BCAP31: variants seen among roughly 807,000 people sequenced by gnomAD.
BCAP31 encodes the protein B-cell receptor-associated protein 31.
For synonymous variants in BCAP31, 75 were observed against 80.9 expected (o/e 0.93, Z 0.39); for missense variants, 124 against 193.0 (o/e 0.64, Z 2.12).
chrX:153,718,317 C>CAAAAAAAA (rs60097594), intron 3 of BCAP31, among the ~76,000 whole-genome samples: 9 of 30,505 alleles, frequency 3.0e-4, no homozygotes, highest in African/African-American at 8.2e-4. Flanking sequence ...GATTCCATCT[C>CAAAAAAAA]AAAAAAAAAA....
At chrX:153,710,979 C>T (rs782612441) in intron 4 of BCAP31, among the ~76,000 whole-genome samples, 3 of 111,577 alleles carry the variant, frequency 2.7e-5, no homozygotes, top group African/African-American at 9.8e-5. Context: ...AACCCAAGCT[C>T]GACTGCCCGG....
At chrX:153,712,485 C>T (rs1327269376) in intron 4 of BCAP31, among the ~76,000 whole-genome samples, 2 of 111,734 alleles carry the variant, frequency 1.8e-5, no homozygotes, top group Non-Finnish European at 3.8e-5. Flanking sequence ...TCATGATAAA[C>T]TGAGTAGAAC....
At chrX:153,713,918 A>G (rs1181560534) in intron 4 of BCAP31, among the ~76,000 whole-genome samples, 3 of 70,769 alleles carry the variant, frequency 4.2e-5, no homozygotes, top group Non-Finnish European at 7.3e-5. Context: ...GATGTCACCC[A>G]GGCTGGAGTG....
intron 1 of BCAP31, chrX:153,723,754 C>T: frequency 1.9e-6 from 2 of 1,040,178 alleles, no homozygotes; most frequent in Non-Finnish European, 2.6e-6. Flanking sequence ...GGCCCAAGGC[C>T]GCACCTAGTC....
intron 4 of BCAP31, among the ~76,000 whole-genome samples, chrX:153,711,434 C>T (rs1275639717): frequency 8.9e-6 from 1 of 112,504 alleles, no homozygotes; most frequent in Non-Finnish European, 1.9e-5. Flanking sequence ...GACTGCATGC[C>T]AGCAGTACTG....
Position 153,703,945 on chromosome X carries a change from G to C in BCAP31, c.477+14C>G. ...ACCAGGACGCCCCATGGTGGGTCGG[G>C]AAGCTGGGCTCACCTTCTTGAGCTG... is the stretch of plus-strand genomic sequence containing the variant. On this transcript the variant is annotated intron_variant, in intron 5 of 7. Transcript: ENST00000345046. 8.3e-7 allele frequency: 1 copy of C among 1,209,626 alleles called. No individual in the cohort carries two copies. Among genetic ancestry groups the C allele is most frequent in the Non-Finnish European group, 1.1e-6 (1 of 894,042 alleles).
intron 4 of BCAP31, among the ~76,000 whole-genome samples, chrX:153,707,206 C>T (rs1279491496): frequency 2.7e-5 from 3 of 110,855 alleles, no homozygotes. Flanking sequence ...CCCAGGCACC[C>T]GCATGTAACT....
At chrX:153,703,816 C>G in intron 5 of BCAP31, 143 bp downstream of exon 5, 1 of 883,020 alleles carries the variant, frequency 1.1e-6, no homozygotes, top group Non-Finnish European at 1.6e-6. Context: ...GAGGACTTCC[C>G]CTCTGCGCCT....
chrX:153,718,889 G>A (rs1439346387), intron 3 of BCAP31, among the ~76,000 whole-genome samples: 1 of 111,325 alleles, frequency 9.0e-6, no homozygotes, highest in Admixed American at 9.6e-5. Flanking sequence ...TCCTCCAGGA[G>A]GATCTGCTCA....
chrX:153,702,911 G>A (rs782226920), intron 6 of BCAP31, 24 bp downstream of exon 6: 74 of 1,206,140 alleles, frequency 6.1e-5, no homozygotes, highest in Middle Eastern at 3.0e-4. Context: ...TCCCTGCGGG[G>A]AAGGACACGA....
intron 3 of BCAP31, among the ~76,000 whole-genome samples, chrX:153,717,685 G>A (rs983505350): frequency 8.9e-6 from 1 of 112,578 alleles, no homozygotes; most frequent in Admixed American, 9.4e-5. Context: ...CAAAGTGTGG[G>A]GATTACAGGC....
chrX:153,702,861 C>T, intron 6 of BCAP31, 74 bp downstream of exon 6: 1 of 1,174,136 alleles, frequency 8.5e-7, no homozygotes, highest in Non-Finnish European at 1.1e-6. Flanking sequence ...TACTTTGGCA[C>T]AAAATGGGCA....
chrX:153,723,929 C>A, intron 1 of BCAP31: 2 of 486,847 alleles, frequency 4.1e-6, no homozygotes, highest in Non-Finnish European at 7.4e-6. Context: ...CGGGACCAAG[C>A]GCAAAGGCAG....
Position 153,702,339 on chromosome X carries a change from C to A in BCAP31, c.602-232G>T, listed in dbSNP as rs2091524089. On this transcript the variant is annotated intron_variant, in intron 6 of 7. Coordinates refer to ENST00000345046, the MANE Select transcript of BCAP31 (RefSeq NM_001256447.2). ...CAAAAGAAACACAGAGGCCATCCCCCAGTCCCTTTAATGGAGAGGAACTCT... is the reference window on the plus strand; with the variant it reads ...CAAAAGAAACACAGAGGCCATCCCCAAGTCCCTTTAATGGAGAGGAACTCT... The A allele has an allele frequency of 8.6e-6, 3 of 348,837 alleles. No individual in the cohort carries two copies. The East Asian group carries it at 1.6e-4, about 18-fold the overall frequency. 28.7% of individuals were successfully genotyped at this position (348,837 alleles called of 1,213,427 possible).
chrX:153,703,137 G>T, intron 5 of BCAP31, 79 bp from the exon 6 acceptor site: 2 of 1,159,598 alleles, frequency 1.7e-6, no homozygotes, highest in Non-Finnish European at 2.3e-6. Context: ...CCACCGAGCT[G>T]CGGTTCCTCA....
At chrX:153,704,233 C>T (rs782683251) in intron 4 of BCAP31, 139 bp from the exon 5 acceptor site, 9 of 665,403 alleles carry the variant, frequency 1.4e-5, no homozygotes, top group East Asian at 1.2e-4. Context: ...AGTGAGAAGC[C>T]GCCAACCTGG....
At chrX:153,715,456 G>C (rs184989079) in intron 4 of BCAP31, 86 bp downstream of exon 4, 16 of 1,114,109 alleles carry the variant, frequency 1.4e-5, no homozygotes, top group African/African-American at 1.1e-4. Context: ...AAAGTCACAG[G>C]GGGGAGACTG....
chrX:153,709,685 A>G (rs1299719821), intron 4 of BCAP31, among the ~76,000 whole-genome samples: 1 of 112,933 alleles, frequency 8.9e-6, no homozygotes, highest in African/African-American at 3.2e-5. Flanking sequence ...AAACTGTCAT[A>G]GCTCCTAAGA....
chrX:153,703,032 C>G lies in BCAP31; in HGVS notation c.504G>C (p.Leu168Phe). Residue 168 changes from leucine to phenylalanine, a missense_variant, in exon 6 of 8, where the codon TTG (leucine) becomes TTC (phenylalanine). Leu to Phe is a conservative substitution (Grantham distance 22). Transcript: ENST00000345046. ...KKGAAVDGGK[L>F]DVGNAEVKLE... The stretch of plus-strand genomic sequence containing the variant: ...ACTTCACCTCAGCATTCCCGACATC[C>G]AACTTGCCTCCGTCAACAGCAGCTC... The G allele has an allele frequency of 1.7e-6, 2 of 1,210,171 alleles. No homozygotes were observed. Among genetic ancestry groups the G allele is most frequent in the Non-Finnish European group, 2.2e-6 (2 of 895,376 alleles).
Sources: allele counts gnomAD v4.1 joint callset (sites outside exome capture counted in the v4.1 genomes callset), GRCh38; gene constraint gnomAD v4.1.1; transcripts MANE v1.5; gene names NCBI Gene and HGNC (gene_info 2026-07-23, HGNC 2026-07-21).